VPS54: variants seen among roughly 807,000 people sequenced by gnomAD.
VPS54 encodes the protein VPS54 subunit of GARP complex.
Under a neutral mutation model 121.5 loss-of-function variants are expected in VPS54, and 45 were observed. The observed-to-expected ratio is 0.37, with a 90% CI of 0.29 to 0.47. The LOEUF (loss-of-function observed/expected upper bound fraction) is 0.47. Ranked by LOEUF, VPS54 falls within the 20% of genes least tolerant of loss-of-function variation. The pLI is 0.99. For synonymous variants in VPS54, 371 were observed against 385.8 expected, an observed-to-expected ratio of 0.96 and a Z score of 0.45; for missense variants, 1,090 against 1,131.4, an observed-to-expected ratio of 0.96 and a Z score of 0.52.
intron 17 of VPS54, chr2:63,913,881 C>CA (rs1471536587): frequency 8.9e-7 from 1 of 1,126,058 alleles, no homozygotes; most frequent in South Asian, 3.1e-5. Flanking sequence ...CATTTGAAGC[C>CA]AGTCCAGGTT....
chr2:63,946,951 TA>T (rs1000105758), intron 9 of VPS54, among the ~76,000 whole-genome samples: 1 of 152,080 alleles, frequency 6.6e-6, no homozygotes, highest in Non-Finnish European at 1.5e-5. Context: ...AAAATAACTT[TA>T]TACCACAGAT....
chr2:64,000,649 T>C (rs1677829393), intron 1 of VPS54, among the ~76,000 whole-genome samples: 1 of 152,246 alleles, frequency 6.6e-6, no homozygotes, highest in African/African-American at 2.4e-5. Flanking sequence ...GGTACCACCT[T>C]GGTAGTCTTG....
At chr2:63,895,435 CAG>C (rs1385208210) in intron 22 of VPS54, among the ~76,000 whole-genome samples, 1 of 152,118 alleles carries the variant, frequency 6.6e-6, no homozygotes, top group African/African-American at 2.4e-5. Context: ...GCCTGTGTGA[CAG>C]AGTGATACTC....
intron 20 of VPS54, among the ~76,000 whole-genome samples, chr2:63,899,942 G>T (rs911408987): frequency 7.9e-5 from 12 of 152,076 alleles, no homozygotes; most frequent in African/African-American, 2.9e-4. Context: ...TAAAAAAGAG[G>T]ACTCATAAGA....
At chr2:63,972,281 T>G in intron 3 of VPS54, 37 bp from the exon 4 acceptor site, 1 of 1,438,788 alleles carries the variant, frequency 7.0e-7, no homozygotes, top group Admixed American at 1.8e-5. Context: ...AATGTATGTG[T>G]AAACATGAGT....
At chr2:63,984,167 T>C in intron 1 of VPS54, 148 bp from the exon 2 acceptor site, 1 of 648,022 alleles carries the variant, frequency 1.5e-6, no homozygotes, top group African/African-American at 1.8e-5. Flanking sequence ...TTGGGAAAAT[T>C]GATCACAATA....
At chr2:63,975,874 T>C (rs920978443) in intron 3 of VPS54, among the ~76,000 whole-genome samples, 4 of 152,204 alleles carry the variant, frequency 2.6e-5, no homozygotes, top group Non-Finnish European at 2.9e-5. Flanking sequence ...GGCAATTACA[T>C]AGCTGGGATT....
chr2:64,018,762 AAAAG>A (rs1376347289), intron 1 of VPS54, among the ~76,000 whole-genome samples, 172 bp downstream of exon 1: 16 of 151,400 alleles, frequency 1.1e-4, no homozygotes, highest in Admixed American at 3.3e-4. Flanking sequence ...AAAAAAAAAA[AAAAG>A]GAAGTGGCGG....
intron 1 of VPS54, among the ~76,000 whole-genome samples, chr2:64,007,704 G>C (rs1485350799): frequency 6.6e-6 from 1 of 152,170 alleles, no homozygotes; most frequent in Non-Finnish European, 1.5e-5. Context: ...TACAAATGGA[G>C]AAAGTGCCGA....
At chr2:63,984,119 A>G (rs1017324561) in intron 1 of VPS54, 100 bp from the exon 2 acceptor site, 8 of 1,097,012 alleles carry the variant, frequency 7.3e-6, no homozygotes, top group Admixed American at 6.1e-5. Context: ...AATTTTTCAA[A>G]ATACCTCAAA....
intron 3 of VPS54, among the ~76,000 whole-genome samples, chr2:63,976,113 G>A (rs553172086): frequency 8.6e-5 from 13 of 151,994 alleles, no homozygotes; most frequent in South Asian, 6.2e-4. Flanking sequence ...TAGCCAACAC[G>A]GGCAGACTGC....
At chr2:63,925,080 T>C (rs1159304228) in intron 12 of VPS54, among the ~76,000 whole-genome samples, 5 of 152,204 alleles carry the variant, frequency 3.3e-5, no homozygotes, top group East Asian at 1.9e-4. Context: ...TTAAGAACTT[T>C]TGTTCACCAA....
intron 3 of VPS54, 88 bp from the exon 4 acceptor site, chr2:63,972,332 A>G (rs1676325599): frequency 1.1e-6 from 1 of 916,038 alleles, no homozygotes; most frequent in South Asian, 2.0e-5. Context: ...ATATCAGAAT[A>G]TGCCAAATTA....
At chr2:64,011,424 G>A (rs1316175324) in intron 1 of VPS54, among the ~76,000 whole-genome samples, 2 of 152,052 alleles carry the variant, frequency 1.3e-5, no homozygotes, top group African/African-American at 4.8e-5. Context: ...AAGTTAGCCG[G>A]GCATGGTGGT....
At chr2:63,969,633 T>C (rs1048269777) in intron 4 of VPS54, among the ~76,000 whole-genome samples, 2 of 152,216 alleles carry the variant, frequency 1.3e-5, no homozygotes, top group Non-Finnish European at 2.9e-5. Flanking sequence ...TATTTCATTA[T>C]ATTTTACAAT....
intron 1 of VPS54, among the ~76,000 whole-genome samples, chr2:64,015,513 T>C (rs147834841): frequency 1.9e-3 from 296 of 152,290 alleles, no homozygotes; most frequent in Middle Eastern, 3.4e-3. Context: ...AATGGTACCA[T>C]TGACATTTTG....
intron 7 of VPS54, 48 bp from the exon 8 acceptor site, chr2:63,949,211 A>C (rs1239074873): frequency 9.6e-6 from 15 of 1,560,050 alleles, no homozygotes; most frequent in Non-Finnish European, 1.3e-5. Flanking sequence ...TAAAAACTAC[A>C]AATTCGCTCC....
chr2:63,904,089 G>A (rs772323729), intron 20 of VPS54, among the ~76,000 whole-genome samples: 2 of 152,016 alleles, frequency 1.3e-5, no homozygotes, highest in African/African-American at 2.4e-5. Flanking sequence ...AATTGGAATG[G>A]TTACATTTGT....
chr2:63,957,589 G>C (rs1040126370), intron 7 of VPS54, among the ~76,000 whole-genome samples: 1 of 151,932 alleles, frequency 6.6e-6, no homozygotes, highest in Non-Finnish European at 1.5e-5. Flanking sequence ...GTTATGCAAT[G>C]AGTCAAAATT....
Sources: allele counts gnomAD v4.1 joint callset (sites outside exome capture counted in the v4.1 genomes callset), GRCh38; gene constraint gnomAD v4.1.1; transcripts MANE v1.5; gene names NCBI Gene and HGNC (gene_info 2026-07-23, HGNC 2026-07-21).